The following SLC36A2 variants were observed in gnomAD, a reference collection of about 807,000 sequenced individuals.
SLC36A2 encodes the protein solute carrier family 36 member 2.
A neutral mutation model predicts 42.7 loss-of-function variants in SLC36A2; 39 were observed. That is an observed-to-expected ratio of 0.91 (90% CI 0.71 to 1.19). The LOEUF (loss-of-function observed/expected upper bound fraction) is 1.19. Ranked by LOEUF, SLC36A2 falls within the 50% of genes most tolerant of loss-of-function variation. SLC36A2 has a pLI of 0.00. For synonymous variants in SLC36A2, 237 were observed against 240.8 expected, an observed-to-expected ratio of 0.98 and a Z score of 0.15; for missense variants, 590 against 613.7, an observed-to-expected ratio of 0.96 and a Z score of 0.41.
intron 9 of SLC36A2, among the ~76,000 whole-genome samples, chr5:151,318,506 TAAA>T (rs1173765602): frequency 8.2e-6 from 1 of 122,538 alleles, no homozygotes; most frequent in Admixed American, 7.8e-5. Flanking sequence ...ATAATAAAAA[TAAA>T]TAATAAATAA....
chr5:151,327,319 G>A (rs924613973), intron 7 of SLC36A2, among the ~76,000 whole-genome samples: 27 of 152,282 alleles, frequency 1.8e-4, no homozygotes, highest in Admixed American at 1.6e-3. Flanking sequence ...ACCAGAAAGT[G>A]TCAGATTCAG....
At chr5:151,336,578 A>T (rs1036515448) in intron 5 of SLC36A2, among the ~76,000 whole-genome samples, 2 of 151,052 alleles carry the variant, frequency 1.3e-5, no homozygotes, top group African/African-American at 2.4e-5. Flanking sequence ...AAGTAAGAAA[A>T]CTCTTTCTTG....
intron 7 of SLC36A2, among the ~76,000 whole-genome samples, chr5:151,329,608 T>TA (rs1317684593): frequency 6.6e-6 from 1 of 152,054 alleles, no homozygotes; most frequent in Non-Finnish European, 1.5e-5. Flanking sequence ...AGACACAATG[T>TA]AAAAGAAACA....
chr5:151,344,390 C>T, intron 1 of SLC36A2, 123 bp from the exon 2 acceptor site: 1 of 816,446 alleles, frequency 1.2e-6, no homozygotes. Context: ...GTCCATGAGT[C>T]CTTGCCTGGC....
At chr5:151,329,427 A>G (rs1483382686) in intron 7 of SLC36A2, among the ~76,000 whole-genome samples, 2 of 152,252 alleles carry the variant, frequency 1.3e-5, no homozygotes, top group African/African-American at 4.8e-5. Flanking sequence ...ACAAAGAACC[A>G]GAAAAATCTC....
chr5:151,324,860 A>G (rs764357613), intron 8 of SLC36A2, among the ~76,000 whole-genome samples: 10 of 152,086 alleles, frequency 6.6e-5, no homozygotes, highest in East Asian at 3.9e-4. Context: ...GGTTGGCCCA[A>G]TTGGTTTTTG....
At chr5:151,318,452 ATTTATTT>A (rs1755572740) in intron 9 of SLC36A2, among the ~76,000 whole-genome samples, 1 of 145,848 alleles carries the variant, frequency 6.9e-6, no homozygotes, top group East Asian at 1.9e-4. Flanking sequence ...CAAATTTATT[ATTTATTT>A]TATATATAAA....
At position 151,316,507 on chromosome 5, in the gene SLC36A2, G is replaced by A. The variant is rs1245186484; in HGVS notation, c.*310C>T. ...TGTGATCCCAGCATTTTGGGAGGCC[G>A]GGGTGGGTGGATCACCTGAGGTCGG... On this transcript the variant is annotated 3_prime_UTR_variant, in exon 10 of 10. Coordinates refer to ENST00000335244, the MANE Select transcript of SLC36A2 (RefSeq NM_181776.3). 9 of 302,176 alleles carry A rather than the reference G, an allele frequency of 3.0e-5. No individual in the cohort carries two copies. Among genetic ancestry groups the A allele is most frequent in the Admixed American group, 9.5e-5 (2 of 20,948 alleles). 18.7% of individuals were successfully genotyped at this position (302,176 alleles called of 1,614,324 possible).
chr5:151,325,543 C>A (rs906113230), intron 7 of SLC36A2, 91 bp from the exon 8 acceptor site: 17 of 1,338,522 alleles, frequency 1.3e-5, no homozygotes, highest in Non-Finnish European at 1.8e-5. Flanking sequence ...CCCCAAAGAA[C>A]TGAAAGCAGG....
At chr5:151,334,712 A>G (rs1353231092) in intron 6 of SLC36A2, among the ~76,000 whole-genome samples, 2 of 152,172 alleles carry the variant, frequency 1.3e-5, no homozygotes, top group East Asian at 3.8e-4. Flanking sequence ...TAAGTAAGTA[A>G]ATAAATAAAA....
intron 2 of SLC36A2, 112 bp downstream of exon 2, chr5:151,344,065 A>G (rs555722700): frequency 3.1e-5 from 30 of 972,074 alleles, no homozygotes; most frequent in Non-Finnish European, 4.7e-5. Context: ...CCCCGCACCA[A>G]GCTGTGTCCC....
intron 7 of SLC36A2, among the ~76,000 whole-genome samples, chr5:151,331,283 C>A (rs139477003): frequency 6.6e-6 from 1 of 151,884 alleles, no homozygotes; most frequent in Non-Finnish European, 1.5e-5. Flanking sequence ...TGATTTCTTT[C>A]TTTCTTTCTT....
rs1723228213 is a variant in SLC36A2, at chr5:151,334,204, T to C, written c.745-882A>G. Among the ~76,000 whole-genome samples the C allele has an allele frequency of 2.6e-5, 4 of 152,350 alleles. No individual in the cohort carries two copies. The South Asian group carries it at 8.3e-4, about 32-fold the overall frequency. ...AGGAAATTCAATTTTATAGAATTCA[T>C]CAGTGTCTTCTAAGGTATGTGAGGC... On this transcript the variant is annotated intron_variant, in intron 6 of 9. Transcript: ENST00000335244.
chr5:151,318,446 TTTA>T (rs1474833881), intron 9 of SLC36A2, among the ~76,000 whole-genome samples: 19 of 145,842 alleles, frequency 1.3e-4, no homozygotes, highest in Non-Finnish European at 2.1e-4. Context: ...ATAATACAAA[TTTA>T]TTATTTATTT....
At chr5:151,345,435 C>T (rs1229527898) in intron 1 of SLC36A2, among the ~76,000 whole-genome samples, 1 of 152,148 alleles carries the variant, frequency 6.6e-6, no homozygotes, top group Admixed American at 6.5e-5. Flanking sequence ...TTAAAAGATG[C>T]TATTTTAAAA....
chr5:151,325,077 G>A, intron 8 of SLC36A2: 1 of 650,876 alleles, frequency 1.5e-6, no homozygotes, highest in Non-Finnish European at 2.8e-6. Flanking sequence ...ACACTAAGAT[G>A]TCAAGGCTTA....
Position 151,328,625 on chromosome 5 carries a change from C to A in SLC36A2, c.844-3173G>T, listed in dbSNP as rs149062821. Among the ~76,000 whole-genome samples the A allele has an allele frequency of 7.9e-5, 12 of 152,312 alleles. No homozygotes were observed. In the East Asian group the frequency reaches 2.3e-3, roughly 29 times the overall value. ...GGTGTATCAGTGGCTGTAGTGGTCACACAGGCACCTAAAAATCTGAGATAG... is the reference window on the plus strand; with the variant it reads ...GGTGTATCAGTGGCTGTAGTGGTCAAACAGGCACCTAAAAATCTGAGATAG... On this transcript the variant is annotated intron_variant, in intron 7 of 9. Coordinates refer to ENST00000335244, the MANE Select transcript of SLC36A2 (RefSeq NM_181776.3).
intron 7 of SLC36A2, chr5:151,332,584 C>T (rs1756029289): frequency 2.8e-6 from 1 of 352,006 alleles, no homozygotes; most frequent in African/African-American, 2.1e-5. Context: ...ATTTAAAATG[C>T]ATTAGGCTAA....
intron 9 of SLC36A2, among the ~76,000 whole-genome samples, chr5:151,320,556 A>C (rs1755656803): frequency 6.6e-6 from 1 of 152,186 alleles, no homozygotes; most frequent in Non-Finnish European, 1.5e-5. Flanking sequence ...TCTACTCTAC[A>C]CAGGAATCTC....
Sources: allele counts gnomAD v4.1 joint callset (sites outside exome capture counted in the v4.1 genomes callset), GRCh38; gene constraint gnomAD v4.1.1; transcripts MANE v1.5; gene names NCBI Gene and HGNC (gene_info 2026-07-23, HGNC 2026-07-21).